Variants in PI4KA observed in about 807,000 individuals in gnomAD.
PI4KA encodes phosphatidylinositol 4-kinase alpha.
In PI4KA, 122 loss-of-function variants were observed where a neutral mutation model predicts 271.4. The ratio of observed to expected loss-of-function variants is 0.45; its 90% CI spans 0.39 to 0.52. The LOEUF is 0.52. Ranked by LOEUF, PI4KA falls within the 20% of genes least tolerant of loss-of-function variation. The pLI is 0.00. For synonymous variants in PI4KA, 1,041 were observed against 1,078.8 expected, an observed-to-expected ratio of 0.96 and a Z score of 0.69; for missense variants, 1,969 against 2,769.1, an observed-to-expected ratio of 0.71 and a Z score of 6.48.
intron 3 of PI4KA, among the ~76,000 whole-genome samples, chr22:20,828,486 T>C (rs145211867): frequency 4.2e-4 from 64 of 152,278 alleles, no homozygotes; most frequent in African/African-American, 1.5e-3. Context: ...ATGATGGCTA[T>C]GGGTTTGTCA....
chr22:20,834,385 T>C (rs888723463), intron 3 of PI4KA, among the ~76,000 whole-genome samples, 177 bp downstream of exon 3: 1 of 152,168 alleles, frequency 6.6e-6, no homozygotes, highest in African/African-American at 2.4e-5. Context: ...AACTCATCCA[T>C]GGGCTGTGGC....
In PI4KA at chr22:20,755,538, T is replaced by C. The variant is rs1283826593; in HGVS notation, c.2792-2358A>G. 2.0e-5 allele frequency among the ~76,000 whole-genome samples: 3 copies of C among 152,252 alleles called. 1 individual carries two copies. Among genetic ancestry groups the C allele is most frequent in the Admixed American group, 2.0e-4 (3 of 15,286 alleles). On this transcript the variant is annotated intron_variant, in intron 23 of 54. Transcript: ENST00000255882. ...AGAATGGGCTGGGCACAGTGGCTCA[T>C]GCCTGTAATCCCAGCATTTTGGGAG...
intron 19 of PI4KA, 50 bp downstream of exon 19, chr22:20,793,143 G>C (rs781439850): frequency 9.2e-7 from 1 of 1,084,018 alleles, no homozygotes; most frequent in Admixed American, 1.7e-5. Flanking sequence ...AACACTTAAA[G>C]CATGAACACA....
At chr22:20,857,236 G>A (rs185164344) in intron 1 of PI4KA, among the ~76,000 whole-genome samples, 4 of 152,328 alleles carry the variant, frequency 2.6e-5, no homozygotes, top group African/African-American at 4.8e-5. Flanking sequence ...AAGTGATACA[G>A]GATTTAAATT....
chr22:20,717,462 G>C (rs914922202), intron 45 of PI4KA, among the ~76,000 whole-genome samples: 1 of 152,280 alleles, frequency 6.6e-6, no homozygotes, highest in Non-Finnish European at 1.5e-5. Context: ...TCAGCCTCCA[G>C]AAAAACAGCA....
rs117210637 is a variant in PI4KA, at chr22:20,724,907, C to T, written c.4995+1581G>A. ...GAAACAGGTTGCTGAAGAGAAGGTGCCTCATGACAATCCTGTAAGTTGCCA... is the reference window on the plus strand; with the variant it reads ...GAAACAGGTTGCTGAAGAGAAGGTGTCTCATGACAATCCTGTAAGTTGCCA... On this transcript the variant is annotated intron_variant, in intron 42 of 54. Coordinates refer to ENST00000255882, the MANE Select transcript of PI4KA (RefSeq NM_058004.4). Among the ~76,000 whole-genome samples, 211 of 152,362 alleles carry T rather than the reference C, an allele frequency of 1.4e-3. 3 individuals are homozygous for T. In the East Asian group the frequency reaches 0.036, roughly 26 times the overall value.
chr22:20,740,106 G>T (rs944876602), intron 32 of PI4KA, among the ~76,000 whole-genome samples: 1 of 140,138 alleles, frequency 7.1e-6, no homozygotes, highest in Non-Finnish European at 1.5e-5. Flanking sequence ...AGAAATCCTA[G>T]ATCTGGAATT....
intron 19 of PI4KA, chr22:20,786,989 T>C (rs753167234): frequency 6.8e-6 from 11 of 1,614,146 alleles, no homozygotes; most frequent in Middle Eastern, 1.6e-4. Flanking sequence ...CGACCGCCCC[T>C]TTCTTTTCCT....
chr22:20,729,514 G>C lies in PI4KA; in HGVS notation c.4489-8C>G. The C allele has an allele frequency of 6.3e-7, 1 of 1,577,822 alleles. No homozygotes were observed. Among genetic ancestry groups the C allele is most frequent in the Non-Finnish European group, 8.6e-7 (1 of 1,160,724 alleles). ...ACGCTCGATCTCAGTGGCCTGGCAA[G>C]ATAAGACATAAGGCCTGATATGCAC... On this transcript the variant is annotated splice_polypyrimidine_tract_variant and splice_region_variant and intron_variant, in intron 38 of 54. Transcript: ENST00000255882.
At chr22:20,856,381 T>G (rs1056228418) in intron 1 of PI4KA, among the ~76,000 whole-genome samples, 1 of 152,108 alleles carries the variant, frequency 6.6e-6, no homozygotes, top group Non-Finnish European at 1.5e-5. Context: ...TAAGTGGCAT[T>G]AGGGAGCTGC....
In PI4KA at chr22:20,751,240, CA is replaced by C; in HGVS notation, c.3153+52del. Reference sequence around the variant, plus strand: ...AGGTTGACCATCTCGTGGAAATACTCAGGGAATTGTGGTAAAGATGGCCCTT... The same window carrying C: ...AGGTTGACCATCTCGTGGAAATACTCGGGAATTGTGGTAAAGATGGCCCTT... On this transcript the variant is annotated intron_variant, in intron 27 of 54. Coordinates refer to ENST00000255882, the MANE Select transcript of PI4KA (RefSeq NM_058004.4). 2.8e-6 allele frequency: 4 copies of C among 1,414,154 alleles called. No homozygotes were observed. The South Asian group carries it at 4.7e-5, about 17-fold the overall frequency. The allele number at this position is 1,414,154 out of a possible 1,614,324, so 87.6% of individuals were successfully genotyped here. A position where few individuals can be genotyped will look rare whatever the true frequency, so the allele number is the denominator to read the frequency against.
Position 20,799,663 on chromosome 22 carries a change from G to A in PI4KA, c.1820+8C>T, listed in dbSNP as rs765669914. On this transcript the variant is annotated splice_region_variant and intron_variant, in intron 15 of 54. Transcript: ENST00000255882. The stretch of plus-strand genomic sequence containing the variant: ...GGCTGCCTCTGAGAGACAGGAATAG[G>A]GGCGTACTTGTCGCTCTCCTGAGAG... The A allele has an allele frequency of 9.1e-6, 14 of 1,544,552 alleles. No homozygotes were observed. The highest frequency in any genetic ancestry group is 1.7e-4 in the Middle Eastern group (1 of 5,996).
At chr22:20,743,423 C>A (rs1022284735) in intron 30 of PI4KA, among the ~76,000 whole-genome samples, 1 of 151,938 alleles carries the variant, frequency 6.6e-6, no homozygotes, top group East Asian at 1.9e-4. Context: ...GGATTACAGG[C>A]GTGAGCGGCC....
rs940693658 is a variant in PI4KA at position 20,828,230 on chromosome 22, G to A, written c.368-3816C>T. Among the ~76,000 whole-genome samples the A allele has an allele frequency of 4.6e-5, 7 of 152,300 alleles. No homozygotes were observed. The East Asian group carries it at 7.7e-4, about 17-fold the overall frequency. On this transcript the variant is annotated intron_variant, in intron 3 of 54. Transcript: ENST00000255882. ...TGTATCCTGAAACTTTGCTGAAGTT[G>A]TTTATCAGATCAAGGGGCTTTGGGC...
Position 20,717,704 on chromosome 22 carries a change from T to G in PI4KA, c.5317+4A>C, listed in dbSNP as rs769924454. The G allele has an allele frequency of 4.5e-6, 7 of 1,572,696 alleles. No individual in the cohort carries two copies. The South Asian group carries it at 8.2e-5, about 18-fold the overall frequency. Reference sequence around the variant, plus strand: ...GTCTGAGCCTCCAGAAGCCACCTGCTCACCCGGCTGCACCTTCACTTCAGA... The same window carrying G: ...GTCTGAGCCTCCAGAAGCCACCTGCGCACCCGGCTGCACCTTCACTTCAGA... On this transcript the variant is annotated splice_donor_region_variant and intron_variant, in intron 45 of 54. Coordinates refer to ENST00000255882, the MANE Select transcript of PI4KA (RefSeq NM_058004.4).
chr22:20,857,167 GA>G (rs1438803350), intron 1 of PI4KA, among the ~76,000 whole-genome samples: 1 of 152,202 alleles, frequency 6.6e-6, no homozygotes, highest in African/African-American at 2.4e-5. Flanking sequence ...GTATTTGACA[GA>G]AGATAGCAAA....
intron 3 of PI4KA, among the ~76,000 whole-genome samples, chr22:20,828,957 T>C (rs1015117618): frequency 6.6e-5 from 10 of 152,228 alleles, no homozygotes; most frequent in African/African-American, 2.2e-4. Flanking sequence ...GTTTCTGCCA[T>C]GAATCACATT....
At chr22:20,824,476 C>T in intron 3 of PI4KA, 62 bp from the exon 4 acceptor site, 1 of 1,171,848 alleles carries the variant, frequency 8.5e-7, no homozygotes, top group Non-Finnish European at 1.2e-6. Flanking sequence ...ACACCTCTGG[C>T]CATCCAATTC....
At chr22:20,754,155 T>C (rs955511570) in intron 23 of PI4KA, among the ~76,000 whole-genome samples, 16 of 152,184 alleles carry the variant, frequency 1.1e-4, no homozygotes, top group African/African-American at 1.7e-4. Flanking sequence ...GGTGAGATCA[T>C]AGCTCAGCTG....
Sources: allele counts gnomAD v4.1 joint callset (sites outside exome capture counted in the v4.1 genomes callset), GRCh38; gene constraint gnomAD v4.1.1; transcripts MANE v1.5; gene names NCBI Gene and HGNC (gene_info 2026-07-23, HGNC 2026-07-21).